Variants in CCDC148 observed in about 807,000 individuals in gnomAD.
CCDC148 encodes coiled-coil domain containing 148, also known as coiled-coil domain-containing protein 148.
CCDC148 carries 89 observed loss-of-function variants against 85.7 expected under a neutral mutation model. The observed-to-expected ratio is 1.04, with a 90% CI of 0.87 to 1.24. The LOEUF (loss-of-function observed/expected upper bound fraction) is 1.24, where lower values mean the gene tolerates loss of function less well. Ranked by LOEUF, CCDC148 falls within the 50% of genes most tolerant of loss-of-function variation. The probability of loss-of-function intolerance (pLI) is 0.00; values close to 1 mark genes in which losing one functional copy is unlikely to be tolerated. For missense variants in CCDC148, 692 were observed against 671.7 expected, an observed-to-expected ratio of 1.03 and a Z score of -0.33; for synonymous variants, 230 against 213.9, an observed-to-expected ratio of 1.08 and a Z score of -0.66.
At chr2:158,379,021 A>T (rs1684767969) in intron 1 of CCDC148, among the ~76,000 whole-genome samples, 2 of 152,168 alleles carry the variant, frequency 1.3e-5, no homozygotes, top group Non-Finnish European at 2.9e-5. Context: ...ACATTTCATA[A>T]GGCTATAGCT....
chr2:158,372,602 T>C (rs1324917364), intron 1 of CCDC148, among the ~76,000 whole-genome samples: 1 of 152,018 alleles, frequency 6.6e-6, no homozygotes, highest in Non-Finnish European at 1.5e-5. Context: ...CTTGGTCCCT[T>C]TTACGCCTAA....
At chr2:158,337,370 A>T (rs1049994072) in intron 7 of CCDC148, among the ~76,000 whole-genome samples, 5 of 152,128 alleles carry the variant, frequency 3.3e-5, no homozygotes, top group African/African-American at 1.2e-4. Flanking sequence ...CCTCTCCCCT[A>T]CCAAACAAAA....
At chr2:158,205,272 T>TCA (rs1198388469) in intron 11 of CCDC148, among the ~76,000 whole-genome samples, 3 of 151,764 alleles carry the variant, frequency 2.0e-5, no homozygotes, top group Non-Finnish European at 4.4e-5. Flanking sequence ...GAGGGAAGAG[T>TCA]CACCTTGGGC....
intron 7 of CCDC148, among the ~76,000 whole-genome samples, chr2:158,327,904 G>A (rs1692865087): frequency 6.6e-6 from 1 of 151,812 alleles, no homozygotes; most frequent in African/African-American, 2.4e-5. Flanking sequence ...AATTGCTATT[G>A]CAAACTCTGT....
chr2:158,219,243 T>G (rs1245162478), intron 11 of CCDC148, among the ~76,000 whole-genome samples: 1 of 152,154 alleles, frequency 6.6e-6, no homozygotes, highest in Non-Finnish European at 1.5e-5. Context: ...TAGAGGAAAT[T>G]TACTATGATT....
intron 9 of CCDC148, among the ~76,000 whole-genome samples, chr2:158,284,462 C>G (rs1184192926): frequency 1.3e-5 from 2 of 151,144 alleles, no homozygotes; most frequent in Non-Finnish European, 3.0e-5. Flanking sequence ...ATTTGGATAG[C>G]TACTCCAAAT....
chr2:158,303,049 A>G (rs900579396), intron 9 of CCDC148, among the ~76,000 whole-genome samples: 4 of 152,104 alleles, frequency 2.6e-5, no homozygotes, highest in Non-Finnish European at 5.9e-5. Flanking sequence ...ATAAAACAAA[A>G]CAGAGACAGA....
chr2:158,293,238 A>G (rs1386686812), intron 9 of CCDC148, among the ~76,000 whole-genome samples: 2 of 152,212 alleles, frequency 1.3e-5, no homozygotes, highest in African/African-American at 4.8e-5. Flanking sequence ...GGAGAAGCAC[A>G]TTCACAATAT....
At chr2:158,427,131 T>C (rs1344528213) in intron 1 of CCDC148, among the ~76,000 whole-genome samples, 1 of 152,218 alleles carries the variant, frequency 6.6e-6, no homozygotes, top group Non-Finnish European at 1.5e-5. Context: ...TTGGCTATAC[T>C]ATAATTTCAA....
In CCDC148 at chr2:158,382,943, A is replaced by G. The variant is rs188892177; in HGVS notation, c.26-24373T>C. 1.8e-3 allele frequency among the ~76,000 whole-genome samples: 267 copies of G among 151,966 alleles called. 2 individuals are homozygous for G. The highest frequency in any genetic ancestry group is 6.2e-3 in the African/African-American group (256 of 41,464). ...CTCACAAAAAAAAACCACAATAACA[A>G]CAACAACAAAAATCTGAATATTTCA... On this transcript the variant is annotated intron_variant, in intron 1 of 13. Coordinates refer to ENST00000283233, the MANE Select transcript of CCDC148 (RefSeq NM_138803.4).
chr2:158,382,712 C>T (rs1339366069), intron 1 of CCDC148, among the ~76,000 whole-genome samples: 1 of 151,796 alleles, frequency 6.6e-6, no homozygotes, highest in Admixed American at 6.6e-5. Context: ...AGTTCAAGAC[C>T]AGCCTGGCCA....
intron 2 of CCDC148, among the ~76,000 whole-genome samples, chr2:158,353,547 C>T (rs1382720181): frequency 6.6e-6 from 1 of 151,680 alleles, no homozygotes; most frequent in South Asian, 2.1e-4. Context: ...TATATATGCA[C>T]CCAATATAGG....
At chr2:158,318,098 C>G (rs1289040317) in intron 7 of CCDC148, among the ~76,000 whole-genome samples, 2 of 152,168 alleles carry the variant, frequency 1.3e-5, no homozygotes, top group East Asian at 3.9e-4. Flanking sequence ...ACCATCCAAA[C>G]ACCCAATCTA....
intron 1 of CCDC148, among the ~76,000 whole-genome samples, chr2:158,362,326 T>C (rs1470848785): frequency 6.6e-6 from 1 of 152,194 alleles, no homozygotes; most frequent in Non-Finnish European, 1.5e-5. Flanking sequence ...GCAGACTTAA[T>C]AGACAGCTAC....
chr2:158,238,296 G>T (rs1300829064), intron 10 of CCDC148, among the ~76,000 whole-genome samples: 1 of 151,978 alleles, frequency 6.6e-6, no homozygotes, highest in Non-Finnish European at 1.5e-5. Flanking sequence ...ACAAATGGAG[G>T]GACTAGCCTT....
chr2:158,438,698 A>G (rs1687786187), intron 1 of CCDC148, among the ~76,000 whole-genome samples: 2 of 152,170 alleles, frequency 1.3e-5, no homozygotes, highest in Non-Finnish European at 2.9e-5. Context: ...AACCTACAGA[A>G]TGGGAGAAAA....
At chr2:158,447,604 C>T (rs1177699087) in intron 1 of CCDC148, 1 of 152,124 alleles carries the variant, frequency 6.6e-6, no homozygotes, top group African/African-American at 2.4e-5. Flanking sequence ...AACCATTTTA[C>T]TGGTAGTGTA....
At chr2:158,404,146 C>T (rs1685901123) in intron 1 of CCDC148, among the ~76,000 whole-genome samples, 1 of 152,082 alleles carries the variant, frequency 6.6e-6, no homozygotes, top group South Asian at 2.1e-4. Flanking sequence ...CAATAAAAGC[C>T]ATTATTATCA....
chr2:158,314,249 A>T (rs2105214926), intron 7 of CCDC148, among the ~76,000 whole-genome samples: 1 of 152,360 alleles, frequency 6.6e-6, no homozygotes, highest in East Asian at 1.9e-4. Context: ...ATTAAAAAGG[A>T]ATTTTATTTA....
Sources: gnomAD v4.1 joint callset for allele counts (sites outside exome capture counted in the v4.1 genomes callset) on GRCh38, gnomAD v4.1.1 for gene constraint, MANE v1.5 for transcripts, NCBI Gene and HGNC (gene_info 2026-07-23, HGNC 2026-07-21) for gene names.